NOX4: variants seen among roughly 807,000 people sequenced by gnomAD.
NOX4 encodes the protein NADPH oxidase 4, also known as kidney oxidase-1.
Under a neutral mutation model 87.6 loss-of-function variants are expected in NOX4, and 69 were observed. The ratio of observed to expected loss-of-function variants is 0.79; its 90% confidence interval spans 0.65 to 0.96. The LOEUF (loss-of-function observed/expected upper bound fraction) is 0.96, where lower values mean the gene tolerates loss of function less well. NOX4 is among the 40% of genes least tolerant of loss of function. NOX4 has a pLI of 0.00. For synonymous variants in NOX4, 275 were observed against 238.2 expected, an observed-to-expected ratio of 1.15 and a Z score of -1.42; for missense variants, 680 against 681.5, an observed-to-expected ratio of 1.00 and a Z score of 0.02.
chr11:89,489,465 C>T (rs1040183188), intron 2 of NOX4, among the ~76,000 whole-genome samples: 1 of 152,090 alleles, frequency 6.6e-6, no homozygotes, highest in Admixed American at 6.6e-5. Context: ...TGGTGGCTCA[C>T]GCCTGTAATT....
the NOX4 span, among the ~76,000 whole-genome samples, chr11:89,573,332 C>T: frequency 6.6e-6 from 1 of 152,080 alleles, no homozygotes. Flanking sequence ...CTCAGGAGAT[C>T]GAGACCATCC....
At chr11:89,439,822 C>A (rs972113112) in intron 6 of NOX4, among the ~76,000 whole-genome samples, 8 of 151,940 alleles carry the variant, frequency 5.3e-5, no homozygotes, top group African/African-American at 1.7e-4. Flanking sequence ...ATTTCATGGA[C>A]AATAAGCTTG....
At chr11:89,447,300 T>C (rs1488897639) in intron 4 of NOX4, among the ~76,000 whole-genome samples, 1 of 152,184 alleles carries the variant, frequency 6.6e-6, no homozygotes, top group Non-Finnish European at 1.5e-5. Flanking sequence ...ACTCTATGGC[T>C]AAAAAATGCA....
At chr11:89,433,869 G>GA (rs1335420615) in intron 6 of NOX4, among the ~76,000 whole-genome samples, 1 of 151,942 alleles carries the variant, frequency 6.6e-6, no homozygotes, top group East Asian at 1.9e-4. Flanking sequence ...ATAGCTAACT[G>GA]AAAAACAATA....
upstream of NOX4, among the ~76,000 whole-genome samples, chr11:89,493,719 G>GTTTTTTT (rs141832218): frequency 3.0e-5 from 4 of 132,174 alleles, no homozygotes; most frequent in African/African-American, 5.6e-5. Flanking sequence ...AAGCCAGATT[G>GTTTTTTT]TTTTATTATT....
chr11:89,423,221 C>T (rs1943181282), intron 7 of NOX4, among the ~76,000 whole-genome samples: 2 of 152,060 alleles, frequency 1.3e-5, no homozygotes, highest in African/African-American at 4.8e-5. Flanking sequence ...TAATTACAAA[C>T]CCAACTGTAG....
At chr11:89,502,014 G>A (rs1054075137), upstream of NOX4, among the ~76,000 whole-genome samples, 7 of 152,056 alleles carry the variant, frequency 4.6e-5, no homozygotes, top group Non-Finnish European at 1.0e-4. Context: ...GTTGATGCCA[G>A]AGCACAAGGA....
chr11:89,562,606 C>CA, the NOX4 span, among the ~76,000 whole-genome samples: 1 of 152,186 alleles, frequency 6.6e-6, no homozygotes, highest in Admixed American at 6.6e-5. Context: ...TTTTCATCCT[C>CA]ATAAGGCTCA....
At chr11:89,356,145 A>T (rs1482912052) in intron 12 of NOX4, among the ~76,000 whole-genome samples, 1 of 152,144 alleles carries the variant, frequency 6.6e-6, no homozygotes, top group East Asian at 1.9e-4. Flanking sequence ...CAAACCAATT[A>T]AAAAGGAAGG....
chr11:89,428,316 A>G (rs531559649), intron 7 of NOX4, among the ~76,000 whole-genome samples: 3 of 152,324 alleles, frequency 2.0e-5, no homozygotes, highest in Admixed American at 2.0e-4. Flanking sequence ...TCAACTAATG[A>G]GCAAAATAAC....
At chr11:89,373,321 T>G in intron 12 of NOX4, 111 bp downstream of exon 12, 1 of 537,444 alleles carries the variant, frequency 1.9e-6, no homozygotes, top group Non-Finnish European at 3.3e-6. Flanking sequence ...CAGAACAGCT[T>G]GAAACACATA....
the NOX4 span, among the ~76,000 whole-genome samples, chr11:89,567,322 C>G: frequency 7.9e-5 from 12 of 152,260 alleles, no homozygotes; most frequent in East Asian, 1.9e-3. Context: ...CTGCCAGCAG[C>G]CTCCTACCAC....
intron 11 of NOX4, among the ~76,000 whole-genome samples, chr11:89,384,105 G>A (rs1331023431): frequency 6.6e-6 from 1 of 152,076 alleles, no homozygotes; most frequent in South Asian, 2.1e-4. Flanking sequence ...AGTCTTACAA[G>A]TTAGTTCAGG....
At chr11:89,513,224 G>A in the NOX4 span, among the ~76,000 whole-genome samples, 1 of 151,894 alleles carries the variant, frequency 6.6e-6, no homozygotes, top group African/African-American at 2.4e-5. Flanking sequence ...GGAAGCTGAG[G>A]CAGGAGAACT....
chr11:89,529,986 T>C, the NOX4 span, among the ~76,000 whole-genome samples: 5 of 152,134 alleles, frequency 3.3e-5, no homozygotes, highest in Non-Finnish European at 7.4e-5. Context: ...AGAACTGTAA[T>C]GGCAAATATC....
At chr11:89,536,399 G>A in the NOX4 span, among the ~76,000 whole-genome samples, 60 of 151,982 alleles carry the variant, frequency 3.9e-4, no homozygotes, top group Non-Finnish European at 7.2e-4. Context: ...GCCCGCCTCA[G>A]TCTCCCAAAG....
chr11:89,477,302 C>T (rs112184280), intron 2 of NOX4, among the ~76,000 whole-genome samples: 10 of 152,198 alleles, frequency 6.6e-5, no homozygotes, highest in East Asian at 5.8e-4. Context: ...ATCCCTCCTG[C>T]GCAGTTCACA....
chr11:89,511,511 T>C, the NOX4 span, among the ~76,000 whole-genome samples: 1 of 151,926 alleles, frequency 6.6e-6, no homozygotes, highest in African/African-American at 2.4e-5. Flanking sequence ...GTTTTACTGG[T>C]GGGGTATTAC....
intron 13 of NOX4, among the ~76,000 whole-genome samples, chr11:89,352,150 T>G (rs182905341): frequency 1.4e-3 from 208 of 152,280 alleles, no homozygotes; most frequent in African/African-American, 4.8e-3. Context: ...GAGAAATTAC[T>G]TATTGCATAC....
Sources: allele counts gnomAD v4.1 joint callset (sites outside exome capture counted in the v4.1 genomes callset), GRCh38; gene constraint gnomAD v4.1.1; transcripts MANE v1.5; gene names NCBI Gene and HGNC (gene_info 2026-07-23, HGNC 2026-07-21).